RMDN1: variants seen among roughly 807,000 people sequenced by gnomAD.
RMDN1 encodes the protein regulator of microtubule dynamics protein 1.
Under a neutral mutation model 48.9 loss-of-function variants are expected in RMDN1, and 48 were observed. The observed-to-expected ratio is 0.98, with a 90% CI of 0.78 to 1.25. The LOEUF (loss-of-function observed/expected upper bound fraction) is 1.25, where lower values mean the gene tolerates loss of function less well. Among genes scored for constraint, RMDN1 ranks in the 50% most tolerant of loss-of-function variants. The pLI, the probability that RMDN1 is intolerant of heterozygous loss-of-function variation, is 0.00. For missense variants in RMDN1, 418 were observed against 373.4 expected, an observed-to-expected ratio of 1.12 and a Z score of -0.98; for synonymous variants, 148 against 132.6, an observed-to-expected ratio of 1.12 and a Z score of -0.80.
At chr8:86,489,044 G>A (rs1027875554) in intron 2 of RMDN1, among the ~76,000 whole-genome samples, 5 of 152,208 alleles carry the variant, frequency 3.3e-5, no homozygotes, top group South Asian at 2.1e-4. Context: ...CCTAGGGGCC[G>A]CAGGTTGGAC....
chr8:86,510,819 G>C (rs942293686), upstream of RMDN1, among the ~76,000 whole-genome samples: 5 of 152,284 alleles, frequency 3.3e-5, no homozygotes, highest in East Asian at 5.8e-4. Flanking sequence ...AGGTGTGGAA[G>C]TTTGATAACC....
chr8:86,481,326 G>A (rs1814381500), intron 5 of RMDN1, among the ~76,000 whole-genome samples: 1 of 151,966 alleles, frequency 6.6e-6, no homozygotes, highest in African/African-American at 2.4e-5. Flanking sequence ...TAAGGTTGTG[G>A]TAAAAAATAA....
At chr8:86,503,366 CAAAACAAAAAAAAAAAAAA>C (rs57970641) in intron 2 of RMDN1, among the ~76,000 whole-genome samples, 15,142 of 70,568 alleles carry the variant, frequency 0.21, 3,099 homozygotes, top group African/African-American at 0.53. Flanking sequence ...CAAAACAAAA[CAAAACAAAAAAAAAAAAAA>C]AAAACAAAAA....
chr8:86,479,473 C>A (rs1325424088), intron 6 of RMDN1, among the ~76,000 whole-genome samples: 1 of 152,136 alleles, frequency 6.6e-6, no homozygotes, highest in Non-Finnish European at 1.5e-5. Flanking sequence ...AATGATTAAC[C>A]TCCAAAGATC....
At position 86,482,673 on chromosome 8, in the gene RMDN1, CT is replaced by C. The variant is rs534631552; in HGVS notation, c.585+2198del. On this transcript the variant is annotated intron_variant, in intron 5 of 9. Transcript: ENST00000406452. ...CACATTGAGCGCAGTCGGAAAAAGA[CT>C]TTATGGAGTTCATGATCAAGGGGAC... The C allele has an allele frequency of 2.6e-3, 2,308 of 873,418 alleles. 25 individuals are homozygous for C. Among genetic ancestry groups the C allele is most frequent in the South Asian group, 0.013 (997 of 76,608 alleles). 54.1% of individuals were successfully genotyped at this position (873,418 alleles called of 1,614,324 possible).
At chr8:86,482,714 C>T (rs559069387) in intron 5 of RMDN1, 27 of 998,420 alleles carry the variant, frequency 2.7e-5, no homozygotes, top group Admixed American at 6.8e-5. Context: ...GCTTTGGTGT[C>T]GGTTCCATCA....
Position 86,473,147 on chromosome 8 carries a change from G to GT in RMDN1, c.*1160dup. 1.0e-6 allele frequency: 1 copy of GT among 985,240 alleles called. No homozygotes were observed. The highest frequency in any genetic ancestry group is 5.2e-4 in the Middle Eastern group (1 of 1,912). 61.0% of individuals were successfully genotyped at this position (985,240 alleles called of 1,614,324 possible). On this transcript the variant is annotated 3_prime_UTR_variant, in exon 10 of 10. Transcript: ENST00000406452. ...GGGTATACAAAGATCACTACTTTCAGTTTTCCTTTTTGTTTGAAAATGTAC... is the reference window on the plus strand; with the variant it reads ...GGGTATACAAAGATCACTACTTTCAGTTTTTCCTTTTTGTTTGAAAATGTAC...
rs898731128 is a variant in RMDN1 at position 86,507,262 on chromosome 8, A to T, written c.130-150T>A. On this transcript the variant is annotated intron_variant, in intron 1 of 9. Transcript: ENST00000406452. ...AAATTACTTCATCAAAATCTTTAGT[A>T]AAACTATCTCAAAGCGTATCTTATT... 14 of 577,908 alleles carry T rather than the reference A, an allele frequency of 2.4e-5. No homozygotes were observed. In the East Asian group the frequency reaches 3.7e-4, roughly 15 times the overall value. 35.8% of individuals were successfully genotyped at this position (577,908 alleles called of 1,614,324 possible). A position where few individuals can be genotyped will look rare whatever the true frequency, so the allele number is the denominator to read the frequency against.
chr8:86,488,690 T>C (rs1455685682), intron 2 of RMDN1, 51 bp from the exon 3 acceptor site: 1 of 1,243,822 alleles, frequency 8.0e-7, no homozygotes, highest in African/African-American at 1.5e-5. Context: ...TCTTCCCAAG[T>C]CAGATGACAA....
chr8:86,491,806 G>C lies in RMDN1; in HGVS notation c.248-3167C>G, dbSNP rs181496468. Among the ~76,000 whole-genome samples, 76 of 152,206 alleles carry C rather than the reference G, an allele frequency of 5.0e-4. 1 individual carries two copies. The highest frequency in any genetic ancestry group is 1.8e-3 in the African/African-American group (75 of 41,530). Reference sequence around the variant, plus strand: ...TCCTACATATATGTTAGTAAACTTTGATTTTTTACTTTTCTAGCTGACTGT... The same window carrying C: ...TCCTACATATATGTTAGTAAACTTTCATTTTTTACTTTTCTAGCTGACTGT... On this transcript the variant is annotated intron_variant, in intron 2 of 9. Coordinates refer to ENST00000406452, the MANE Select transcript of RMDN1 (RefSeq NM_016033.3).
At chr8:86,510,280 T>C (rs781019696), upstream of RMDN1, among the ~76,000 whole-genome samples, 8 of 152,210 alleles carry the variant, frequency 5.3e-5, no homozygotes, top group Non-Finnish European at 1.0e-4. Flanking sequence ...AGTTTAATTA[T>C]CAAATTCAGG....
chr8:86,504,608 T>C, intron 2 of RMDN1: 1 of 960,536 alleles, frequency 1.0e-6, no homozygotes, highest in Non-Finnish European at 1.7e-6. Context: ...CTTGGAGGGA[T>C]GGCTTTTTGT....
chr8:86,503,064 C>CT (rs1818544023), intron 2 of RMDN1, among the ~76,000 whole-genome samples: 1 of 151,954 alleles, frequency 6.6e-6, no homozygotes. Flanking sequence ...ATAAAAATAA[C>CT]TAAGTTAGGC....
At chr8:86,484,705 C>T (rs1034570125) in intron 5 of RMDN1, 167 bp downstream of exon 5, 3 of 427,884 alleles carry the variant, frequency 7.0e-6, no homozygotes, top group Non-Finnish European at 4.1e-6. Flanking sequence ...ATGACAAGAG[C>T]GAAACTCCGT....
chr8:86,480,211 G>T, intron 6 of RMDN1, 66 bp downstream of exon 6: 1 of 750,990 alleles, frequency 1.3e-6, no homozygotes, highest in Non-Finnish European at 2.1e-6. Context: ...TGCAAAAGAA[G>T]ATATTTATAC....
At chr8:86,502,419 G>A (rs1818403550) in intron 2 of RMDN1, among the ~76,000 whole-genome samples, 1 of 151,988 alleles carries the variant, frequency 6.6e-6, no homozygotes, top group African/African-American at 2.4e-5. Flanking sequence ...TTTTTGTAGA[G>A]ATGGGGGTCT....
At chr8:86,508,778 T>C, upstream of RMDN1, 1 of 1,079,356 alleles carries the variant, frequency 9.3e-7, no homozygotes, top group East Asian at 7.8e-5. Flanking sequence ...GCCCCCATGG[T>C]TTCCGGTGCA....
At chr8:86,483,454 G>A (rs905025843) in intron 5 of RMDN1, among the ~76,000 whole-genome samples, 4 of 152,050 alleles carry the variant, frequency 2.6e-5, no homozygotes, top group Non-Finnish European at 5.9e-5. Context: ...TATCAAAAAT[G>A]ACACACCATT....
chr8:86,511,330 C>T (rs539527553), upstream of RMDN1, among the ~76,000 whole-genome samples: 6 of 151,722 alleles, frequency 4.0e-5, no homozygotes, highest in South Asian at 4.2e-4. Context: ...AAAAATTAGC[C>T]GGGTGTGGTG....
Sources: gnomAD v4.1 joint callset for allele counts (sites outside exome capture counted in the v4.1 genomes callset) on GRCh38, gnomAD v4.1.1 for gene constraint, MANE v1.5 for transcripts, NCBI Gene and HGNC (gene_info 2026-07-23, HGNC 2026-07-21) for gene names.